The following ADCY8 variants were observed in gnomAD, a reference collection of about 807,000 sequenced individuals.
The protein encoded by ADCY8 is adenylate cyclase 8, also known as adenylate cyclase type 8.
ADCY8 carries 51 observed loss-of-function variants against 119.7 expected under a neutral mutation model. That is an observed-to-expected ratio of 0.43 (90% CI 0.34 to 0.54). The LOEUF (loss-of-function observed/expected upper bound fraction) is 0.54, where lower values mean the gene tolerates loss of function less well. Ranked by LOEUF, ADCY8 falls within the 20% of genes least tolerant of loss-of-function variation. The probability of loss-of-function intolerance (pLI) is 0.03; values close to 1 mark genes in which losing one functional copy is unlikely to be tolerated. For missense variants in ADCY8, 1,383 were observed against 1,598.8 expected (o/e 0.87, Z 2.30); for synonymous variants, 665 against 651.0 (o/e 1.02, Z -0.33).
chr8:130,780,698 G>A lies in ADCY8; in HGVS notation c.3448C>T (p.Arg1150Ter). The change falls in exon 18 of 18, where the codon CGA (arginine) becomes TGA (stop). Residue 1150 changes from arginine to a stop codon, truncating the protein, a stop_gained. Coordinates refer to ENST00000286355, the MANE Select transcript of ADCY8 (RefSeq NM_001115.3). LOFTEE classifies it high-confidence loss of function. ...ATACCCTTCACATAGATCTCCCCTC[G>A]GTAATCAAAGGCAAAGCCCTGGTCC... is the stretch of plus-strand genomic sequence containing the variant. ...LKDQGFAFDY[R>*]GEIYVKGISE... The A allele has an allele frequency of 2.5e-6, 4 of 1,614,136 alleles. No homozygotes were observed. Among genetic ancestry groups the A allele is most frequent in the Non-Finnish European group, 2.5e-6 (3 of 1,180,006 alleles).
chr8:131,005,310 A>G (rs1237873841), intron 1 of ADCY8, among the ~76,000 whole-genome samples: 44 of 152,174 alleles, frequency 2.9e-4, no homozygotes, highest in Admixed American at 2.8e-3. Flanking sequence ...ATATCCCAAA[A>G]TGGCAGCCAC....
chr8:130,884,855 C>T (rs1414858302), intron 7 of ADCY8, 94 bp from the exon 8 acceptor site: 5 of 1,181,426 alleles, frequency 4.2e-6, no homozygotes, highest in African/African-American at 1.5e-5. Context: ...GCATTGCAAA[C>T]AGTAATAGCA....
intron 8 of ADCY8, among the ~76,000 whole-genome samples, chr8:130,874,782 C>G (rs17326567): frequency 0.022 from 3,311 of 152,204 alleles, 73 homozygotes; most frequent in South Asian, 0.079. Flanking sequence ...TCCATACCAC[C>G]ATTCTTCCAG....
intron 5 of ADCY8, among the ~76,000 whole-genome samples, chr8:130,910,081 C>T (rs1052688252): frequency 4.6e-5 from 7 of 151,908 alleles, no homozygotes; most frequent in South Asian, 2.1e-4. Flanking sequence ...GTGATCCTCC[C>T]GCCTCGGCCT....
intron 2 of ADCY8, among the ~76,000 whole-genome samples, chr8:130,960,909 G>A (rs1821582570): frequency 6.6e-6 from 1 of 152,126 alleles, no homozygotes; most frequent in Admixed American, 6.5e-5. Context: ...GCCTGACTTA[G>A]TTTTGGTTTT....
At chr8:130,902,016 C>A (rs1819619515) in intron 7 of ADCY8, among the ~76,000 whole-genome samples, 1 of 152,154 alleles carries the variant, frequency 6.6e-6, no homozygotes. Flanking sequence ...AACCAAGAAC[C>A]TCCACCTCCC....
chr8:131,036,852 A>C (rs891299467), intron 1 of ADCY8, among the ~76,000 whole-genome samples: 1 of 152,160 alleles, frequency 6.6e-6, no homozygotes, highest in African/African-American at 2.4e-5. Context: ...AAGAGAGGGA[A>C]ATATGGTTGG....
rs568413123 is a variant in ADCY8, at chr8:130,855,205, C to CA, written c.2211-5403dup. 2.6e-4 allele frequency among the ~76,000 whole-genome samples: 39 copies of CA among 150,148 alleles called. 4 individuals are homozygous for CA. Among genetic ancestry groups the CA allele is most frequent in the African/African-American group, 9.3e-4 (38 of 40,874 alleles). The stretch of plus-strand genomic sequence containing the variant: ...TATGAGTAGAAACTCCCTCATCTGC[C>CA]AAAAAAAATCCATGACAGAAGAAAT... On this transcript the variant is annotated intron_variant, in intron 9 of 17. Transcript: ENST00000286355.
chr8:130,860,629 A>AT (rs1563697666), intron 9 of ADCY8, among the ~76,000 whole-genome samples: 1 of 152,006 alleles, frequency 6.6e-6, no homozygotes, highest in Admixed American at 6.6e-5. Flanking sequence ...TTCTTAATTT[A>AT]TTTTTTTATT....
intron 7 of ADCY8, among the ~76,000 whole-genome samples, chr8:130,900,530 A>C (rs1394329227): frequency 6.6e-6 from 1 of 152,166 alleles, no homozygotes; most frequent in African/African-American, 2.4e-5. Flanking sequence ...ATAGGCAGCT[A>C]TCAGTCTTCA....
At position 130,790,718 on chromosome 8, in the gene ADCY8, G is replaced by A. The variant is rs1454436058; in HGVS notation, c.3061-5243C>T. Among the ~76,000 whole-genome samples, 5 of 152,076 alleles carry A rather than the reference G, an allele frequency of 3.3e-5. No individual in the cohort carries two copies. The South Asian group carries it at 6.2e-4, about 19-fold the overall frequency. On this transcript the variant is annotated intron_variant, in intron 15 of 17. Transcript: ENST00000286355. ...CTGGCTGGTAGGGATTCACTCCCTG[G>A]GGACCTCAGCTCAGGCCACTGTTGG...
intron 8 of ADCY8, among the ~76,000 whole-genome samples, chr8:130,879,252 G>A (rs954528313): frequency 1.3e-5 from 2 of 152,292 alleles, no homozygotes; most frequent in African/African-American, 4.8e-5. Flanking sequence ...CCCACAAAAG[G>A]TTAAGTTCCT....
chr8:130,810,084 T>C (rs921848310), intron 14 of ADCY8, among the ~76,000 whole-genome samples: 8 of 152,286 alleles, frequency 5.3e-5, no homozygotes, highest in African/African-American at 1.9e-4. Flanking sequence ...ACCTCAGGGA[T>C]ACACCTGGGA....
intron 15 of ADCY8, among the ~76,000 whole-genome samples, chr8:130,787,845 T>A (rs1175883259): frequency 6.6e-6 from 1 of 151,944 alleles, no homozygotes; most frequent in African/African-American, 2.4e-5. Flanking sequence ...TGTGCATTTG[T>A]GTGTAGTCAT....
chr8:131,039,501 A>G lies in ADCY8; in HGVS notation c.833T>C (p.Leu278Pro). 1 of 1,613,986 alleles carries G rather than the reference A, an allele frequency of 6.2e-7. No homozygotes were observed. Among genetic ancestry groups the G allele is most frequent in the South Asian group, 1.1e-5 (1 of 91,082 alleles). The part of the protein sequence containing the change: ...GDGIGYVLFT[L>P]FATYSMLPLP... The stretch of plus-strand genomic sequence containing the variant: ...CGGCAGCATACTGTAGGTGGCGAAG[A>G]GCGTGAAGAGCACGTAGCCTATGCC... The change falls in exon 1 of 18, where the codon CTC becomes CCC. Residue 278 changes from leucine (L) to proline (P), a missense_variant. Physicochemically the swap from Leu to Pro is moderately conservative, Grantham distance 98 (BLOSUM62 -3). Coordinates refer to ENST00000286355, the MANE Select transcript of ADCY8 (RefSeq NM_001115.3).
At chr8:131,017,864 A>G (rs1453455679) in intron 1 of ADCY8, among the ~76,000 whole-genome samples, 3 of 152,174 alleles carry the variant, frequency 2.0e-5, no homozygotes, top group Non-Finnish European at 4.4e-5. Flanking sequence ...AGACCAGGTT[A>G]GCAGCCTGCT....
chr8:130,985,102 C>G (rs1822358329), intron 2 of ADCY8, among the ~76,000 whole-genome samples: 1 of 152,052 alleles, frequency 6.6e-6, no homozygotes, highest in Non-Finnish European at 1.5e-5. Context: ...AAATCAAGTT[C>G]CCCCTAGTAA....
chr8:130,942,149 G>A (rs1820974930), intron 4 of ADCY8, among the ~76,000 whole-genome samples: 1 of 152,086 alleles, frequency 6.6e-6, no homozygotes, highest in Admixed American at 6.5e-5. Flanking sequence ...AGGATGTCTT[G>A]TAAATGGAGT....
At position 130,885,473 on chromosome 8, in the gene ADCY8, C is replaced by T. The variant is rs1586532236; in HGVS notation, c.1912-712G>A. 2.0e-5 allele frequency among the ~76,000 whole-genome samples: 3 copies of T among 152,126 alleles called. No homozygotes were observed. The East Asian group carries it at 5.8e-4, about 29-fold the overall frequency. On this transcript the variant is annotated intron_variant, in intron 7 of 17. Coordinates refer to ENST00000286355, the MANE Select transcript of ADCY8 (RefSeq NM_001115.3). ...CACGAGACGGGGAAAGGCATAACCA[C>T]CACGGCTGGTCACTGGATATGGATA...
Sources: gnomAD v4.1 joint callset for allele counts (sites outside exome capture counted in the v4.1 genomes callset) on GRCh38, gnomAD v4.1.1 for gene constraint, MANE v1.5 for transcripts, NCBI Gene and HGNC (gene_info 2026-07-23, HGNC 2026-07-21) for gene names.